AXL: variants seen among roughly 807,000 people sequenced by gnomAD.
AXL encodes the protein AXL receptor tyrosine kinase.
In AXL, 52 loss-of-function variants were observed where a neutral mutation model predicts 104.5. The observed-to-expected ratio is 0.50, with a 90% confidence interval of 0.40 to 0.63. The LOEUF (loss-of-function observed/expected upper bound fraction) is 0.63. Among genes scored for constraint, AXL ranks in the 20% least tolerant of loss-of-function variants. AXL has a pLI of 0.00. For synonymous variants in AXL, 455 were observed against 473.7 expected (o/e 0.96, Z 0.51); for missense variants, 1,024 against 1,188.5 (o/e 0.86, Z 2.04).
chr19:41,229,536 A>T (rs1289105355), intron 4 of AXL, among the ~76,000 whole-genome samples: 1 of 152,204 alleles, frequency 6.6e-6, no homozygotes, highest in Non-Finnish European at 1.5e-5. Flanking sequence ...AAGTGCTGGG[A>T]TTACAGTCAT....
At position 41,252,295 on chromosome 19, in the gene AXL, A is replaced by G. The variant is rs1335351397; in HGVS notation, c.1712-56A>G. On this transcript the variant is annotated intron_variant, in intron 14 of 19. Coordinates refer to ENST00000301178, the MANE Select transcript of AXL (RefSeq NM_021913.5). Reference sequence around the variant, plus strand: ...GATGATGATGATGGAGTGGAGGTGGAGGGAGAGTCCTCCCTCTCCTCCCCT... The same window carrying G: ...GATGATGATGATGGAGTGGAGGTGGGGGGAGAGTCCTCCCTCTCCTCCCCT... The G allele has an allele frequency of 2.9e-6, 4 of 1,364,328 alleles. No individual in the cohort carries two copies. The African/African-American group carries it at 5.7e-5, about 20-fold the overall frequency. 84.5% of individuals were successfully genotyped at this position (1,364,328 alleles called of 1,614,324 possible).
Position 41,223,297 on chromosome 19 carries a change from A to G in AXL, c.586+1241A>G, listed in dbSNP as rs2033825634. On this transcript the variant is annotated intron_variant, in intron 4 of 19. Transcript: ENST00000301178. ...GTGACAGAGCAAGACTCTGTCTCAAAACGAAAAACAAAACAAAATGAAAGA... is the reference window on the plus strand; with the variant it reads ...GTGACAGAGCAAGACTCTGTCTCAAGACGAAAAACAAAACAAAATGAAAGA... 2.0e-5 allele frequency among the ~76,000 whole-genome samples: 3 copies of G among 152,216 alleles called. No homozygotes were observed. In the South Asian group the frequency reaches 6.2e-4, roughly 32 times the overall value.
intron 6 of AXL, among the ~76,000 whole-genome samples, chr19:41,236,056 T>C (rs1007955499): frequency 1.3e-5 from 2 of 148,406 alleles, no homozygotes; most frequent in African/African-American, 5.0e-5. Flanking sequence ...AAAAGCCGGG[T>C]GTGGTAGCTC....
At chr19:41,257,748 G>T (rs1372760727) in intron 19 of AXL, 119 bp downstream of exon 19, 2 of 1,340,344 alleles carry the variant, frequency 1.5e-6, no homozygotes, top group Non-Finnish European at 2.1e-6. Context: ...AGAATGCTGA[G>T]TGACCCACTT....
At chr19:41,246,088 G>A (rs1011493604) in intron 12 of AXL, among the ~76,000 whole-genome samples, 1 of 152,178 alleles carries the variant, frequency 6.6e-6, no homozygotes, top group African/African-American at 2.4e-5. Flanking sequence ...GAGGCTCCCT[G>A]ACGTGGGATG....
chr19:41,258,869 A>G lies in AXL; in HGVS notation c.2334-684A>G, dbSNP rs116254368. ...CAGCTTAGCAGGGTGATTTTGGTTC[A>G]GGATCTCTAATGAAGTTACAAAGAT... On this transcript the variant is annotated intron_variant, in intron 19 of 19. Transcript: ENST00000301178. Among the ~76,000 whole-genome samples, 1,163 of 152,360 alleles carry G rather than the reference A, an allele frequency of 7.6e-3. 19 individuals carry two copies. The highest frequency in any genetic ancestry group is 0.026 in the African/African-American group (1,101 of 41,580).
chr19:41,239,351 G>C, intron 9 of AXL, 37 bp downstream of exon 9: 1 of 1,538,882 alleles, frequency 6.5e-7, no homozygotes, highest in South Asian at 1.3e-5. Flanking sequence ...CTTCAACCCT[G>C]TCTCTCCCTG....
intron 12 of AXL, among the ~76,000 whole-genome samples, chr19:41,245,579 C>T (rs978049203): frequency 6.6e-6 from 1 of 151,958 alleles, no homozygotes; most frequent in Non-Finnish European, 1.5e-5. Context: ...AAAAATTAGC[C>T]AGATGTAATC....
intron 12 of AXL, 88 bp downstream of exon 12, chr19:41,243,795 CAA>C: frequency 8.6e-7 from 1 of 1,161,268 alleles, no homozygotes; most frequent in Non-Finnish European, 1.3e-6. Context: ...ATGTGTGAGC[CAA>C]AAGTTTCTAA....
chr19:41,232,862 G>T (rs2034015034), intron 6 of AXL, among the ~76,000 whole-genome samples: 1 of 152,146 alleles, frequency 6.6e-6, no homozygotes, highest in African/African-American at 2.4e-5. Flanking sequence ...TGTTTGTGAA[G>T]GAGGGTCTAT....
Position 41,221,944 on chromosome 19 carries a change from G to A in AXL, c.474G>A (p.Leu158=), listed in dbSNP as rs1355880623. Residue 158 remains leucine, a synonymous_variant, in exon 4 of 20, where the codon CTG becomes CTA. Transcript: ENST00000301178. ...RTVAANTPFN[L]SCQAQGPPEP... Reference sequence around the variant, plus strand: ...TGGCCGCCAACACCCCCTTCAACCTGAGCTGCCAAGCTCAGGGACCCCCAG... The same window carrying A: ...TGGCCGCCAACACCCCCTTCAACCTAAGCTGCCAAGCTCAGGGACCCCCAG... 2 of 1,613,380 alleles carry A rather than the reference G, an allele frequency of 1.2e-6. No individual in the cohort carries two copies. The highest frequency in any genetic ancestry group is 2.2e-5 in the East Asian group (1 of 44,858).
At chr19:41,220,603 T>C (rs1373709408) in intron 1 of AXL, 33 bp from the exon 2 acceptor site, 1 of 1,527,388 alleles carries the variant, frequency 6.5e-7, no homozygotes, top group Non-Finnish European at 8.9e-7. Context: ...AGCTGGGGGG[T>C]TCCTAAGCTA....
intron 12 of AXL, among the ~76,000 whole-genome samples, chr19:41,246,867 G>T (rs2034280830): frequency 6.6e-6 from 1 of 151,944 alleles, no homozygotes; most frequent in Non-Finnish European, 1.5e-5. Flanking sequence ...TTTTATTTTT[G>T]AATACAGAAA....
intron 4 of AXL, among the ~76,000 whole-genome samples, chr19:41,222,636 G>A (rs928838699): frequency 1.3e-5 from 2 of 152,238 alleles, no homozygotes; most frequent in African/African-American, 4.8e-5. Context: ...GCTGGGCGTG[G>A]TGGCTCACGC....
At position 41,252,479 on chromosome 19, in the gene AXL, C is replaced by T. The variant is rs779237075; in HGVS notation, c.1804+36C>T. 4 of 1,600,516 alleles carry T rather than the reference C, an allele frequency of 2.5e-6. No homozygotes were observed. In the African/African-American group the frequency reaches 5.4e-5, roughly 21 times the overall value. ...GGCAGATTCAAGGGGTCTACAAGCC[C>T]CATGGGGGCCATAGCAGAGGGAAGA... On this transcript the variant is annotated intron_variant, in intron 15 of 19. Transcript: ENST00000301178.
Position 41,231,036 on chromosome 19 carries a change from C to G in AXL, c.656C>G (p.Ala219Gly), listed in dbSNP as rs975407816. Residue 219 changes from alanine to glycine, a missense_variant, in exon 5 of 20, where the codon GCC (alanine) becomes GGC (glycine). Ala to Gly is a moderately conservative substitution (Grantham distance 60). This residue lies in a region of AXL where 332 missense variants were observed against 343.9 expected (regional missense o/e 0.97). Transcript: ENST00000301178. ...NAKGVTTSRT[A>G]TITVLPQQPR... ...AAGGGGGTCACCACATCCCGCACAG[C>G]CACCATCACAGGTGACAGAGTTGGG... The G allele has an allele frequency of 5.6e-6, 9 of 1,613,854 alleles. No homozygotes were observed. The Admixed American group carries it at 1.3e-4, about 24-fold the overall frequency.
At chr19:41,225,779 G>A (rs1489844061) in intron 4 of AXL, among the ~76,000 whole-genome samples, 1 of 152,078 alleles carries the variant, frequency 6.6e-6, no homozygotes, top group African/African-American at 2.4e-5. Flanking sequence ...CTTACCAAGC[G>A]CTGCGTCTTC....
chr19:41,221,924 G>A lies in AXL; in HGVS notation c.454G>A (p.Ala152Thr), dbSNP rs545028002. The A allele has an allele frequency of 2.1e-5, 34 of 1,613,428 alleles. No individual in the cohort carries two copies. Among genetic ancestry groups the A allele is most frequent in the South Asian group, 5.5e-5 (5 of 90,958 alleles). ...LEEPEDRTVA[A>T]NTPFNLSCQA... ...GGAGCCCGAAGACAGGACTGTGGCC[G>A]CCAACACCCCCTTCAACCTGAGCTG... is the stretch of plus-strand genomic sequence containing the variant. The change falls in exon 4 of 20, where the codon GCC becomes ACC. Residue 152 changes from alanine (A) to threonine (T), a missense_variant. Around this residue, in one of 5 missense-constraint regions of AXL, gnomAD observed 332 missense variants for 343.9 expected, o/e 0.97. Coordinates refer to ENST00000301178, the MANE Select transcript of AXL (RefSeq NM_021913.5).
chr19:41,257,056 T>C (rs1234929903), intron 18 of AXL, among the ~76,000 whole-genome samples: 3 of 152,114 alleles, frequency 2.0e-5, no homozygotes, highest in Non-Finnish European at 2.9e-5. Flanking sequence ...ATATTTTTCT[T>C]TTTTTGAGAT....
Sources: gnomAD v4.1 joint callset for allele counts (sites outside exome capture counted in the v4.1 genomes callset) on GRCh38, gnomAD v4.1.1 for gene constraint, gnomAD v4.1.1 regional missense constraint, MANE v1.5 for transcripts, NCBI Gene and HGNC (gene_info 2026-07-23, HGNC 2026-07-21) for gene names.